The following OR51B5 variants were observed in gnomAD, a reference collection of about 807,000 sequenced individuals.
OR51B5 encodes the protein olfactory receptor family 51 subfamily B member 5.
For synonymous variants in OR51B5, 186 were observed against 144.8 expected (o/e 1.28, Z -2.04); for missense variants, 456 against 374.6 (o/e 1.22, Z -1.79).
chr11:5,379,228 A>G (rs925078610), intron 1 of OR51B5, among the ~76,000 whole-genome samples: 1 of 151,890 alleles, frequency 6.6e-6, no homozygotes. Flanking sequence ...ACCAAACACC[A>G]CATATTCTCA....
chr11:5,415,228 G>A (rs1016921462), intron 1 of OR51B5, among the ~76,000 whole-genome samples: 6 of 151,022 alleles, frequency 4.0e-5, no homozygotes, highest in Admixed American at 2.0e-4. Context: ...TGAAACCAAC[G>A]AGAACAAAGA....
chr11:5,373,477 A>G (rs1473088959), intron 1 of OR51B5, among the ~76,000 whole-genome samples: 1 of 152,130 alleles, frequency 6.6e-6, no homozygotes, highest in African/African-American at 2.4e-5. Flanking sequence ...GACAGTGGGC[A>G]CAGGTCAGTG....
At chr11:5,416,760 G>A (rs1353783862) in intron 1 of OR51B5, among the ~76,000 whole-genome samples, 1 of 143,128 alleles carries the variant, frequency 7.0e-6, no homozygotes, top group African/African-American at 2.6e-5. Flanking sequence ...ACAAACCACT[G>A]CTCAATGAAA....
chr11:5,382,633 A>C (rs140682239), intron 1 of OR51B5, among the ~76,000 whole-genome samples: 34 of 152,274 alleles, frequency 2.2e-4, no homozygotes, highest in African/African-American at 8.2e-4. Context: ...GCCCTCTCCT[A>C]CAAGCCTAAA....
At chr11:5,458,250 T>C (rs12289566) in intron 1 of OR51B5, among the ~76,000 whole-genome samples, 8,249 of 152,262 alleles carry the variant, frequency 0.054, 765 homozygotes, top group African/African-American at 0.19. Flanking sequence ...CTTGTTATTG[T>C]TGACTTTGTC....
At chr11:5,347,836 C>T (rs924930911), upstream of OR51B5, among the ~76,000 whole-genome samples, 3 of 152,010 alleles carry the variant, frequency 2.0e-5, no homozygotes, top group African/African-American at 7.2e-5. Context: ...TTATCTAAAT[C>T]AGGAATGGTC....
chr11:5,454,976 GC>G (rs1185744164), intron 1 of OR51B5: 1 of 152,406 alleles, frequency 6.6e-6, no homozygotes, highest in Non-Finnish European at 1.5e-5. Flanking sequence ...TACCATTGCT[GC>G]CTTTGCTTTC....
intron 1 of OR51B5, among the ~76,000 whole-genome samples, chr11:5,363,237 TCACACACACACACACACACACA>T (rs3219794): frequency 0.2 from 28,424 of 143,052 alleles, 3,207 homozygotes; most frequent in African/African-American, 0.25. Flanking sequence ...ACCCAACCCC[TCACACACACACACACACACACA>T]CACACACACA....
Position 5,356,201 on chromosome 11 carries a change from C to G in OR51B5, n.85-9291G>C, listed in dbSNP as rs149082270. On this transcript the variant is annotated intron_variant and non_coding_transcript_variant, in intron 1 of 4. Coordinates refer to the OR51B5 transcript ENST00000415970. ...CCGAGCTAAAGGAGGAAGCTCGAACCCATGGCAAAAAAGTTAAAAACCTTG... is the reference window on the plus strand; with the variant it reads ...CCGAGCTAAAGGAGGAAGCTCGAACGCATGGCAAAAAAGTTAAAAACCTTG... Among the ~76,000 whole-genome samples, 30 of 152,160 alleles carry G rather than the reference C, an allele frequency of 2.0e-4. No individual in the cohort carries two copies. The East Asian group carries it at 5.2e-3, about 27-fold the overall frequency.
chr11:5,345,140 GTTTTC>G (rs1206922312), upstream of OR51B5, among the ~76,000 whole-genome samples: 1 of 152,076 alleles, frequency 6.6e-6, no homozygotes, highest in Non-Finnish European at 1.5e-5. Context: ...GTTTTGTTTT[GTTTTC>G]TTCTTACTAT....
intron 1 of OR51B5, among the ~76,000 whole-genome samples, chr11:5,359,531 G>A (rs925300836): frequency 3.0e-5 from 4 of 133,406 alleles, no homozygotes; most frequent in African/African-American, 1.1e-4. Flanking sequence ...ATGCTCATGG[G>A]TAGGAAGAAT....
At chr11:5,429,889 G>A (rs781504495) in intron 1 of OR51B5, among the ~76,000 whole-genome samples, 3 of 152,160 alleles carry the variant, frequency 2.0e-5, no homozygotes, top group Non-Finnish European at 4.4e-5. Context: ...TCTGTAGCCT[G>A]GGCATTGTGA....
Position 5,477,441 on chromosome 11 carries a change from A to G in OR51B5, n.84+28128T>C, listed in dbSNP as rs149534820. On this transcript the variant is annotated intron_variant and non_coding_transcript_variant, in intron 1 of 4. Transcript: ENST00000415970. ...CCTGGGAGCATTCCTGCCTGCATTCATCTCAAAATCTATCCTCTTTCTGTC... is the reference window on the plus strand; with the variant it reads ...CCTGGGAGCATTCCTGCCTGCATTCGTCTCAAAATCTATCCTCTTTCTGTC... Among the ~76,000 whole-genome samples the G allele has an allele frequency of 2.5e-3, 374 of 152,220 alleles. 2 individuals are homozygous for G. The Middle Eastern group carries it at 0.034, about 14-fold the overall frequency.
chr11:5,407,460 T>G (rs1850075330), intron 1 of OR51B5, among the ~76,000 whole-genome samples: 1 of 152,186 alleles, frequency 6.6e-6, no homozygotes, highest in Admixed American at 6.5e-5. Flanking sequence ...AGTTGGGCTC[T>G]ATATCTCTTT....
At chr11:5,340,424 TTAACAATTC>T (rs1314672770), downstream of OR51B5, 1 of 150,530 alleles carries the variant, frequency 6.6e-6, no homozygotes, top group Non-Finnish European at 1.5e-5. Flanking sequence ...AACATTGTCA[TTAACAATTC>T]TAAGCATTGC....
intron 1 of OR51B5, among the ~76,000 whole-genome samples, chr11:5,466,597 G>A (rs998409175): frequency 1.3e-5 from 2 of 152,190 alleles, no homozygotes; most frequent in African/African-American, 4.8e-5. Flanking sequence ...TGTCATTGAT[G>A]TCTTTTATTT....
At chr11:5,452,077 CA>C (rs1361102467) in intron 1 of OR51B5, among the ~76,000 whole-genome samples, 1 of 152,118 alleles carries the variant, frequency 6.6e-6, no homozygotes, top group East Asian at 1.9e-4. Context: ...GGGCAGTCCC[CA>C]AGCATGTAGA....
At chr11:5,412,917 TCTGA>T (rs1334817643) in intron 1 of OR51B5, among the ~76,000 whole-genome samples, 1 of 151,954 alleles carries the variant, frequency 6.6e-6, no homozygotes, top group Non-Finnish European at 1.5e-5. Context: ...AATGTCCCTG[TCTGA>T]CAGCCTTGAA....
intron 1 of OR51B5, among the ~76,000 whole-genome samples, chr11:5,394,775 G>C (rs1849842904): frequency 1.3e-5 from 2 of 152,202 alleles, no homozygotes; most frequent in South Asian, 4.1e-4. Context: ...GGGGACGTTA[G>C]TTTTTTTCAC....
Sources: gnomAD v4.1 joint callset for allele counts (sites outside exome capture counted in the v4.1 genomes callset) on GRCh38, gnomAD v4.1.1 for gene constraint, MANE v1.5 for transcripts, NCBI Gene and HGNC (gene_info 2026-07-23, HGNC 2026-07-21) for gene names.